MACF1: variants seen among roughly 807,000 people sequenced by gnomAD.
MACF1 encodes the protein microtubule-actin cross-linking factor 1.
MACF1 carries 193 observed loss-of-function variants against 854.8 expected under a neutral mutation model. The ratio of observed to expected loss-of-function variants is 0.23; its 90% CI spans 0.20 to 0.25. The LOEUF (loss-of-function observed/expected upper bound fraction) is 0.25, where lower values mean the gene tolerates loss of function less well. Among genes scored for constraint, MACF1 ranks in the 10% least tolerant of loss-of-function variants. The pLI, the probability that MACF1 is intolerant of heterozygous loss-of-function variation, is 1.00. For synonymous variants in MACF1, 3,185 were observed against 3,226.7 expected, an observed-to-expected ratio of 0.99 and a Z score of 0.44; for missense variants, 7,722 against 8,929.1, an observed-to-expected ratio of 0.86 and a Z score of 5.45.
At chr1:39,322,104 T>G (rs1646526103) in intron 31 of MACF1, among the ~76,000 whole-genome samples, 2 of 152,180 alleles carry the variant, frequency 1.3e-5, no homozygotes, top group Admixed American at 6.5e-5. Context: ...TCTAAGATTC[T>G]AATCCTAACT....
At chr1:39,190,087 C>T (rs561707423) in intron 2 of MACF1, among the ~76,000 whole-genome samples, 2 of 152,224 alleles carry the variant, frequency 1.3e-5, no homozygotes, top group Admixed American at 6.5e-5. Flanking sequence ...GTCTCTAGTT[C>T]TGTAATGTCT....
rs1646604737 is a variant in MACF1, at chr1:39,326,107, C to G, written c.4479-1111C>G. On this transcript the variant is annotated intron_variant, in intron 35 of 100. Coordinates refer to ENST00000564288, the MANE Select transcript of MACF1 (RefSeq NM_001394062.1). ...TGATCAAGAATATGGATTGTGGGGT[C>G]TGGCCTCTGAAGAAAAGAAACTTAA... Among the ~76,000 whole-genome samples, 3 of 152,012 alleles carry G rather than the reference C, an allele frequency of 2.0e-5. No individual in the cohort carries two copies. In the South Asian group the frequency reaches 6.2e-4, roughly 32 times the overall value.
At chr1:39,232,188 G>T (rs1051810409) in intron 2 of MACF1, among the ~76,000 whole-genome samples, 3 of 150,606 alleles carry the variant, frequency 2.0e-5, no homozygotes, top group Non-Finnish European at 4.4e-5. Flanking sequence ...CAAAACAGAG[G>T]CATGTTAAGA....
At chr1:39,342,836 A>AAAGGGCCAG (rs1557599376) in intron 40 of MACF1, among the ~76,000 whole-genome samples, 1 of 152,142 alleles carries the variant, frequency 6.6e-6, no homozygotes, top group Non-Finnish European at 1.5e-5. Flanking sequence ...CTTTTTAAAT[A>AAAGGGCCAG]AAGGGCCAGA....
At chr1:39,088,281 G>A (rs770387962) in intron 2 of MACF1, among the ~76,000 whole-genome samples, 2 of 152,098 alleles carry the variant, frequency 1.3e-5, no homozygotes, top group Non-Finnish European at 2.9e-5. Flanking sequence ...CCGAGATGGG[G>A]TTTCACCATG....
chr1:39,280,653 C>T (rs1274672681), intron 6 of MACF1, among the ~76,000 whole-genome samples: 1 of 152,142 alleles, frequency 6.6e-6, no homozygotes, highest in South Asian at 2.1e-4. Flanking sequence ...TTTCAGCTCA[C>T]CACAACCTCC....
intron 6 of MACF1, chr1:39,268,707 T>C (rs1376641580): frequency 7.8e-7 from 1 of 1,278,280 alleles, no homozygotes; most frequent in East Asian, 5.6e-5. Flanking sequence ...AATGGGAAAT[T>C]CACTGGGCTG....
At chr1:39,458,967 T>A (rs1644496670) in intron 90 of MACF1, 119 bp from the exon 91 acceptor site, 3 of 911,390 alleles carry the variant, frequency 3.3e-6, no homozygotes, top group Non-Finnish European at 4.9e-6. Context: ...AAGTCCCGTA[T>A]TTCTTTTCTC....
chr1:39,287,473 C>T lies in MACF1; in HGVS notation c.1696C>T (p.Arg566Trp), dbSNP rs771371955. The change falls in exon 15 of 101, where the codon CGG becomes TGG. Residue 566 changes from arginine (R) to tryptophan (W), a missense_variant. Coordinates refer to ENST00000564288, the MANE Select transcript of MACF1 (RefSeq NM_001394062.1). ...STSWFRKPMT[R>W]AELVAISSSE... is the part of the protein sequence containing the mutation. ...CTCCTGGTTCCGAAAGCCTATGACT[C>T]GGGCTGAACTTGTGGCCATCAGCTC... 1.4e-5 allele frequency: 22 copies of T among 1,614,062 alleles called. No individual in the cohort carries two copies. Among genetic ancestry groups the T allele is most frequent in the Admixed American group, 6.7e-5 (4 of 60,002 alleles).
Position 39,093,562 on chromosome 1 carries a change from T to C in MACF1, c.220+9124T>C, listed in dbSNP as rs928544625. On this transcript the variant is annotated intron_variant, in intron 2 of 93. Transcript: ENST00000361689. The stretch of plus-strand genomic sequence containing the variant: ...GTGCAGTGGTGCGATCTCGGCTCAC[T>C]GCAACTTCTGCCTGCCGGGTTCAAG... 2.7e-5 allele frequency among the ~76,000 whole-genome samples: 4 copies of C among 147,520 alleles called. 1 individual carries two copies. The highest frequency in any genetic ancestry group is 2.1e-4 in the Admixed American group (3 of 14,530).
At chr1:39,423,620 G>A (rs1423119996) in intron 60 of MACF1, among the ~76,000 whole-genome samples, 3 of 140,066 alleles carry the variant, frequency 2.1e-5, no homozygotes, top group Non-Finnish European at 3.1e-5. Context: ...GGGAGACAGA[G>A]CGAGACTCTG....
intron 46 of MACF1, 117 bp from the exon 47 acceptor site, chr1:39,359,024 T>C: frequency 7.0e-7 from 1 of 1,432,462 alleles, no homozygotes; most frequent in Non-Finnish European, 9.5e-7. Flanking sequence ...GCTTCTAATA[T>C]TTATGGCTAT....
intron 2 of MACF1, among the ~76,000 whole-genome samples, chr1:39,096,340 T>C (rs1226350102): frequency 2.6e-5 from 4 of 151,878 alleles, no homozygotes; most frequent in African/African-American, 9.7e-5. Flanking sequence ...CAGAAAACTA[T>C]GACAAGGGCT....
At position 39,378,447 on chromosome 1, in the gene MACF1, G is replaced by A. The variant is rs768939961; in HGVS notation, c.13214-14G>A. ...TTGGTCTTGCCCTGTTTGTCTCCCT[G>A]TCCTTCTGCTCAGGTTCCATACTGC... On this transcript the variant is annotated splice_polypyrimidine_tract_variant and intron_variant, in intron 52 of 100. Transcript: ENST00000564288. The A allele has an allele frequency of 6.2e-7, 1 of 1,611,884 alleles. No homozygotes were observed. Among genetic ancestry groups the A allele is most frequent in the South Asian group, 1.1e-5 (1 of 91,016 alleles).
chr1:39,306,429 C>G (rs923932664), intron 23 of MACF1, among the ~76,000 whole-genome samples: 3 of 152,028 alleles, frequency 2.0e-5, no homozygotes, highest in African/African-American at 7.2e-5. Flanking sequence ...CACCTGGCCC[C>G]TGTTTTATTT....
At chr1:39,477,692 G>A (rs1429772631) in intron 97 of MACF1, among the ~76,000 whole-genome samples, 1 of 152,028 alleles carries the variant, frequency 6.6e-6, no homozygotes, top group Non-Finnish European at 1.5e-5. Context: ...TGGGGGTCGG[G>A]GGACAAAGAG....
chr1:39,288,175 C>A (rs1245654566), intron 15 of MACF1, among the ~76,000 whole-genome samples: 1 of 152,132 alleles, frequency 6.6e-6, no homozygotes, highest in Non-Finnish European at 1.5e-5. Context: ...TACAGACAAT[C>A]CAGTTATACT....
chr1:39,456,799 A>G (rs1644449328), intron 89 of MACF1: 1 of 152,138 alleles, frequency 6.6e-6, no homozygotes, highest in Non-Finnish European at 1.5e-5. Context: ...TCACTCCCCA[A>G]GTCCCTGTGG....
At position 39,336,589 on chromosome 1, in the gene MACF1, T is replaced by C; in HGVS notation, c.10001T>C (p.Phe3334Ser). The C allele has an allele frequency of 6.2e-7, 1 of 1,613,602 alleles. No homozygotes were observed. The highest frequency in any genetic ancestry group is 8.5e-7 in the Non-Finnish European group (1 of 1,179,978). ...RESPGSEQTP[F>S]MTAPEGKGNG... ...AGCCCTGGCAGTGAACAAACTCCCT[T>C]CATGACTGCACCTGAAGGAAAGGGA... Residue 3334 changes from phenylalanine to serine, a missense_variant, in exon 37 of 101, where the codon TTC (phenylalanine) becomes TCC (serine). Physicochemically the swap from Phe to Ser is radical, Grantham distance 155. This residue lies in a region of MACF1 where 854 missense variants were observed against 852.6 expected (regional missense o/e 1.00). Transcript: ENST00000564288.
Sources: allele counts gnomAD v4.1 joint callset (sites outside exome capture counted in the v4.1 genomes callset), GRCh38; gene constraint gnomAD v4.1.1; regional missense constraint gnomAD v4.1.1; transcripts MANE v1.5; gene names NCBI Gene and HGNC (gene_info 2026-07-23, HGNC 2026-07-21).